The following NRAP variants were observed in gnomAD, a reference collection of about 807,000 sequenced individuals.
The protein encoded by NRAP is nebulin related anchoring protein, also known as nebulin-related-anchoring protein.
Under a neutral mutation model 225.9 loss-of-function variants are expected in NRAP, and 189 were observed. The ratio of observed to expected loss-of-function variants is 0.84; its 90% CI spans 0.74 to 0.94. NRAP has a LOEUF of 0.94. Among genes scored for constraint, NRAP ranks in the 40% least tolerant of loss-of-function variants. The pLI is 0.00. For missense variants in NRAP, 2,176 were observed against 2,168.7 expected, an observed-to-expected ratio of 1.00 and a Z score of -0.07; for synonymous variants, 769 against 790.7, an observed-to-expected ratio of 0.97 and a Z score of 0.46.
rs1554874207 is a variant in NRAP at position 113,663,847 on chromosome 10, C to G, written c.36G>C (p.Gly12=). 2 of 1,613,716 alleles carry G rather than the reference C, an allele frequency of 1.2e-6. No homozygotes were observed. The highest frequency in any genetic ancestry group is 8.5e-7 in the Non-Finnish European group (1 of 1,179,838). The change falls in exon 1 of 42, where the codon GGG becomes GGC. Residue 12 remains glycine (G), a synonymous_variant. Transcript: ENST00000359988. ...AGCTGATCTTCTCGGCAGGATAAAC[C>G]CCATACCCACACCTAGAACAGGGCT... is the stretch of plus-strand genomic sequence containing the variant. ...NVQPCSRCGY[G]VYPAEKISCI...
intron 28 of NRAP, among the ~76,000 whole-genome samples, 181 bp from the exon 29 acceptor site, chr10:113,614,477 G>C (rs1339241411): frequency 6.6e-6 from 1 of 152,180 alleles, no homozygotes; most frequent in African/African-American, 2.4e-5. Flanking sequence ...ATGACTAAAG[G>C]GCTCGGCTGT....
In NRAP at chr10:113,605,539, C is replaced by A. The variant is rs542370750; in HGVS notation, c.3915+223G>T. ...GTTGCAATTAGAAATAAATCATCAT[C>A]TCCTTCCTGCTAGAGACCTTTGCCT... On this transcript the variant is annotated intron_variant, in intron 34 of 41. Transcript: ENST00000359988. Among the ~76,000 whole-genome samples, 17 of 152,372 alleles carry A rather than the reference C, an allele frequency of 1.1e-4. 1 individual carries two copies. The South Asian group carries it at 3.1e-3, about 28-fold the overall frequency.
At chr10:113,607,867 A>G (rs967413103) in intron 32 of NRAP, among the ~76,000 whole-genome samples, 8 of 152,246 alleles carry the variant, frequency 5.3e-5, no homozygotes, top group African/African-American at 1.9e-4. Context: ...CTTCCCTTGC[A>G]CCTGCCCTCT....
At chr10:113,647,268 T>C (rs1395839771) in intron 9 of NRAP, among the ~76,000 whole-genome samples, 19 of 152,116 alleles carry the variant, frequency 1.2e-4, no homozygotes, top group Non-Finnish European at 2.8e-4. Context: ...ATGATCATCA[T>C]CCTTATTTCC....
chr10:113,615,800 T>G lies in NRAP; in HGVS notation c.2990A>C (p.Gln997Pro). ...GTAATGATGCTTTATGTTTTCTCCT[T>G]GTTCCCTGTATAATCTCTGTGGATG... ...TQAVDRLYRE[Q>P]GENIKHHYTP... Residue 997 changes from glutamine to proline, a missense_variant, in exon 27 of 42, where the codon CAA (glutamine) becomes CCA (proline). Gln to Pro is a moderately conservative substitution (Grantham distance 76, BLOSUM62 -1). Coordinates refer to ENST00000359988, the MANE Select transcript of NRAP (RefSeq NM_198060.4). 6.3e-7 allele frequency: 1 copy of G among 1,598,900 alleles called. No individual in the cohort carries two copies. The highest frequency in any genetic ancestry group is 8.6e-7 in the Non-Finnish European group (1 of 1,166,130).
intron 33 of NRAP, 59 bp from the exon 34 acceptor site, chr10:113,605,928 G>T: frequency 1.6e-6 from 2 of 1,237,462 alleles, no homozygotes; most frequent in South Asian, 1.2e-5. Context: ...ACGAGCAAAG[G>T]CCACCCCTTT....
intron 30 of NRAP, among the ~76,000 whole-genome samples, chr10:113,611,544 C>G (rs1847323157): frequency 6.6e-6 from 1 of 152,182 alleles, no homozygotes; most frequent in Admixed American, 6.5e-5. Context: ...CTTCCTGACC[C>G]TCCTGGGCCT....
intron 20 of NRAP, 68 bp downstream of exon 20, chr10:113,628,849 G>T: frequency 1.2e-6 from 1 of 831,108 alleles, no homozygotes; most frequent in Non-Finnish European, 1.9e-6. Flanking sequence ...GGAATTAGAG[G>T]CAAAGATCAC....
At chr10:113,653,337 A>C (rs1428816397) in intron 5 of NRAP, among the ~76,000 whole-genome samples, 1 of 152,208 alleles carries the variant, frequency 6.6e-6, no homozygotes, top group Non-Finnish European at 1.5e-5. Flanking sequence ...CACAGCTATT[A>C]ATTAATACAT....
At chr10:113,614,732 G>A (rs1227992771) in intron 28 of NRAP, 107 bp downstream of exon 28, 2 of 717,898 alleles carry the variant, frequency 2.8e-6, no homozygotes, top group African/African-American at 1.7e-5. Context: ...TCAGTTCGGA[G>A]AGGACAGGGA....
chr10:113,657,795 A>G (rs1402871052), intron 3 of NRAP, among the ~76,000 whole-genome samples: 1 of 152,172 alleles, frequency 6.6e-6, no homozygotes. Flanking sequence ...AAGCTCTTTG[A>G]AGCAGTGCAA....
chr10:113,626,112 A>G lies in NRAP; in HGVS notation c.2179T>C (p.Phe727Leu), dbSNP rs757774384. Residue 727 changes from phenylalanine to leucine, a missense_variant, in exon 21 of 42, where the codon TTC becomes CTC. Transcript: ENST00000359988. ...NYRQRVDELKFTSVTDSSQME... is the reference protein window; with the variant it reads ...NYRQRVDELKLTSVTDSSQME... ...TGGGAGCTGTCGGTCACGCTGGTGA[A>G]CTTCAGCTCATCGACCCTCTGCCGG... 3.1e-6 allele frequency: 5 copies of G among 1,611,640 alleles called. No individual in the cohort carries two copies. The South Asian group carries it at 5.5e-5, about 18-fold the overall frequency.
At chr10:113,657,981 C>T (rs1160582383) in intron 3 of NRAP, among the ~76,000 whole-genome samples, 2 of 152,148 alleles carry the variant, frequency 1.3e-5, no homozygotes, top group East Asian at 3.8e-4. Context: ...TCTTATGCCT[C>T]ACAATTTTAC....
At chr10:113,654,507 CAAAA>C (rs56238053) in intron 4 of NRAP, among the ~76,000 whole-genome samples, 216 of 128,650 alleles carry the variant, frequency 1.7e-3, no homozygotes, top group Middle Eastern at 8.1e-3. Context: ...GCAATAAAAG[CAAAA>C]AAAAAAAAAA....
intron 35 of NRAP, among the ~76,000 whole-genome samples, chr10:113,598,436 C>T (rs767710679): frequency 1.3e-5 from 2 of 151,206 alleles, no homozygotes; most frequent in Admixed American, 6.6e-5. Flanking sequence ...GGCCATTACC[C>T]GCCTGCCTAA....
chr10:113,609,254 T>A (rs184295412), intron 31 of NRAP, among the ~76,000 whole-genome samples: 1 of 152,340 alleles, frequency 6.6e-6, no homozygotes, highest in East Asian at 1.9e-4. Flanking sequence ...AGTAAATTAG[T>A]CAGTGGGGCC....
intron 14 of NRAP, among the ~76,000 whole-genome samples, chr10:113,638,088 A>G (rs1848984917): frequency 6.6e-6 from 1 of 152,222 alleles, no homozygotes; most frequent in African/African-American, 2.4e-5. Flanking sequence ...TTCCTAATGT[A>G]TTAATTCAGG....
chr10:113,659,954 C>T (rs1043311367), intron 3 of NRAP, among the ~76,000 whole-genome samples: 10 of 151,696 alleles, frequency 6.6e-5, no homozygotes, highest in Non-Finnish European at 1.3e-4. Context: ...CATAACACAC[C>T]CTAGGGCAGT....
chr10:113,590,899 A>G lies in NRAP; in HGVS notation c.4645-10T>C, dbSNP rs374206231. 6.2e-7 allele frequency: 1 copy of G among 1,611,590 alleles called. No homozygotes were observed. The highest frequency in any genetic ancestry group is 8.5e-7 in the Non-Finnish European group (1 of 1,178,260). ...CCTCTTTGTACCGGAACTGCAAGTC[A>G]GAGGAGCAGAGGCAGATCATGGGTG... On this transcript the variant is annotated splice_polypyrimidine_tract_variant and intron_variant, in intron 39 of 41. Transcript: ENST00000359988.
Sources: allele counts gnomAD v4.1 joint callset (sites outside exome capture counted in the v4.1 genomes callset), GRCh38; gene constraint gnomAD v4.1.1; transcripts MANE v1.5; gene names NCBI Gene and HGNC (gene_info 2026-07-23, HGNC 2026-07-21).